SBK2: variants seen among roughly 807,000 people sequenced by gnomAD.
The protein encoded by SBK2 is serine/threonine-protein kinase SBK2.
A neutral mutation model predicts 15.9 loss-of-function variants in SBK2; 18 were observed. That is an observed-to-expected ratio of 1.13 (90% CI 0.78 to 1.68). SBK2 has a LOEUF of 1.68. Among genes scored for constraint, SBK2 ranks in the 40% most tolerant of loss-of-function variants. The pLI, the probability that SBK2 is intolerant of heterozygous loss-of-function variation, is 0.00. For missense variants in SBK2, 581 were observed against 510.9 expected (o/e 1.14, Z -1.32); for synonymous variants, 284 against 246.8 (o/e 1.15, Z -1.41).
chr19:55,531,775 C>G (rs1988275520), intron 2 of SBK2, among the ~76,000 whole-genome samples: 1 of 152,158 alleles, frequency 6.6e-6, no homozygotes, highest in Admixed American at 6.5e-5. Flanking sequence ...GTCAGGAGTT[C>G]AAGACCAGCC....
At chr19:55,533,659 C>CAAAAAAAAAAAAAAAAAA (rs71181785) in intron 2 of SBK2, among the ~76,000 whole-genome samples, 9 of 33,908 alleles carry the variant, frequency 2.7e-4, no homozygotes, top group Admixed American at 4.3e-4. Context: ...GACTCCGTCT[C>CAAAAAAAAAAAAAAAAAA]AAAAAAAAAA....
At position 55,530,319 on chromosome 19, in the gene SBK2, C is replaced by T. The variant is rs956652741; in HGVS notation, c.461G>A (p.Gly154Asp). 5.0e-6 allele frequency: 7 copies of T among 1,404,096 alleles called. No homozygotes were observed. The highest frequency in any genetic ancestry group is 6.4e-5 in the Admixed American group (2 of 31,236). The allele number at this position is 1,404,096 out of a possible 1,614,324, so 87.0% of individuals were successfully genotyped here. A position where few individuals can be genotyped will look rare whatever the true frequency, so the allele number is the denominator to read the frequency against. ...GCGGTGCACCGCGGGCTGCGGGAGG[C>T]CCACCTGCGGGGAGAGGGGTCAGGG... ...DLMAFIQPKV[G>D]LPQPAVHRCA... Residue 154 changes from glycine (G) to aspartate (D), a missense_variant, in exon 4 of 4, where the codon GGC becomes GAC. Gly to Asp is a moderately conservative substitution (Grantham distance 94). Transcript: ENST00000413299.
rs757945578 is a variant in SBK2 at position 55,529,901 on chromosome 19, C to G, written c.879G>C (p.Trp293Cys). 1.3e-6 allele frequency: 2 copies of G among 1,569,400 alleles called. No individual in the cohort carries two copies. Among genetic ancestry groups the G allele is most frequent in the East Asian group, 4.6e-5 (2 of 43,338 alleles). ...SGQPRDRPQP[W>C]FGLAAAADAL... ...CGTCGGCCGCGGCGGCCAGGCCGAACCAGGGCTGAGGGCGGTCCCGGGGCT... is the reference window on the plus strand; with the variant it reads ...CGTCGGCCGCGGCGGCCAGGCCGAAGCAGGGCTGAGGGCGGTCCCGGGGCT... Residue 293 changes from tryptophan (W) to cysteine (C), a missense_variant, in exon 4 of 4, where the codon TGG (tryptophan) becomes TGC (cysteine). Physicochemically the swap from Trp to Cys is radical, Grantham distance 215 (BLOSUM62 -2). Transcript: ENST00000413299.
chr19:55,529,695 G>C lies in SBK2; in HGVS notation c.*38C>G. 6.3e-7 allele frequency: 1 copy of C among 1,586,532 alleles called. No individual in the cohort carries two copies. The highest frequency in any genetic ancestry group is 8.5e-7 in the Non-Finnish European group (1 of 1,173,752). The stretch of plus-strand genomic sequence containing the variant: ...AAGCCGTTGGCCTTGGGGGCCTCGG[G>C]TGGGGCGGCTTCCCTTTCTGCATCC... On this transcript the variant is annotated 3_prime_UTR_variant, in exon 4 of 4. Coordinates refer to ENST00000413299, the MANE Select transcript of SBK2 (RefSeq NM_001370096.2).
chr19:55,529,620 C>G lies in SBK2; in HGVS notation c.*113G>C. 2 of 1,407,620 alleles carry G rather than the reference C, an allele frequency of 1.4e-6. No individual in the cohort carries two copies. Among genetic ancestry groups the G allele is most frequent in the Non-Finnish European group, 1.9e-6 (2 of 1,067,462 alleles). 87.2% of individuals were successfully genotyped at this position (1,407,620 alleles called of 1,614,324 possible). The stretch of plus-strand genomic sequence containing the variant: ...CAGAGAGGAGAGAGGAGGAGGACGC[C>G]GAGGGGAATCCCAAGCCCCATGGAT... On this transcript the variant is annotated 3_prime_UTR_variant, in exon 4 of 4. Transcript: ENST00000413299.
intron 1 of SBK2, among the ~76,000 whole-genome samples, chr19:55,536,781 C>T (rs73934336): frequency 1.8e-4 from 26 of 147,208 alleles, no homozygotes; most frequent in African/African-American, 5.3e-4. Context: ...CACCTCCCTC[C>T]GACCCAGCCC....
At position 55,529,476 on chromosome 19, in the gene SBK2, G is replaced by A. The variant is rs529016765; in HGVS notation, c.*257C>T. Among the ~76,000 whole-genome samples the A allele has an allele frequency of 1.4e-4, 22 of 152,208 alleles. No individual in the cohort carries two copies. Among genetic ancestry groups the A allele is most frequent in the Non-Finnish European group, 2.4e-4 (16 of 67,986 alleles). ...CAGCAAGTGCAGAGGCCCTGGGGAAGGTGGCGGCAGGTACCGAGAGCCACG... is the reference window on the plus strand; with the variant it reads ...CAGCAAGTGCAGAGGCCCTGGGGAAAGTGGCGGCAGGTACCGAGAGCCACG... On this transcript the variant is annotated 3_prime_UTR_variant, in exon 4 of 4. Transcript: ENST00000413299.
At chr19:55,536,383 A>C in intron 1 of SBK2, 87 bp from the exon 2 acceptor site, 1 of 1,195,866 alleles carries the variant, frequency 8.4e-7, no homozygotes, top group Non-Finnish European at 1.1e-6. Flanking sequence ...GGTCTGAGGG[A>C]GGAGGGGCTG....
In SBK2 at chr19:55,536,230, T is replaced by A; in HGVS notation, c.65A>T (p.Glu22Val). 1 of 1,604,024 alleles carries A rather than the reference T, an allele frequency of 6.2e-7. No homozygotes were observed. The highest frequency in any genetic ancestry group is 8.5e-7 in the Non-Finnish European group (1 of 1,176,098). Residue 22 changes from glutamate to valine, a missense_variant, in exon 2 of 4, where the codon GAG (glutamate) becomes GTG (valine). Transcript: ENST00000413299. The stretch of plus-strand genomic sequence containing the variant: ...CTCTAATGTCAGGCCGCCCAGACCC[T>A]CCTCCTCGCTGTCCTCCGAAGCCCC... ...EAGASEDSEE[E>V]GLGGLTLEEL...
chr19:55,530,251 G>C lies in SBK2; in HGVS notation c.529C>G (p.Arg177Gly), dbSNP rs1171762038. ...TTCAGGTCCCGGTACACCAGGCCGC[G>C]GGCGTGGATGTACTCCAGGGCGGAG... ...LASALEYIHA[R>G]GLVYRDLKPE... Residue 177 changes from arginine (R) to glycine (G), a missense_variant, in exon 4 of 4, where the codon CGC becomes GGC. Coordinates refer to ENST00000413299, the MANE Select transcript of SBK2 (RefSeq NM_001370096.2). 1 of 1,512,464 alleles carries C rather than the reference G, an allele frequency of 6.6e-7. No individual in the cohort carries two copies. Among genetic ancestry groups the C allele is most frequent in the Non-Finnish European group, 8.8e-7 (1 of 1,130,834 alleles). 93.7% of individuals were successfully genotyped at this position (1,512,464 alleles called of 1,614,324 possible).
Position 55,529,946 on chromosome 19 carries a change from G to T in SBK2, c.834C>A (p.Leu278=). The part of the protein sequence containing the change: ...AEADPFYEDF[L]IWQASGQPRD... ...GGGGCTGGCCCGACGCCTGCCAGATGAGGAAGTCCTCGTAGAAGGGGTCGG... is the reference window on the plus strand; with the variant it reads ...GGGGCTGGCCCGACGCCTGCCAGATTAGGAAGTCCTCGTAGAAGGGGTCGG... Residue 278 remains leucine, a synonymous_variant, in exon 4 of 4, where the codon CTC becomes CTA. Transcript: ENST00000413299. 1 of 1,531,292 alleles carries T rather than the reference G, an allele frequency of 6.5e-7. No homozygotes were observed. Among genetic ancestry groups the T allele is most frequent in the Non-Finnish European group, 8.8e-7 (1 of 1,141,816 alleles). 94.9% of individuals were successfully genotyped at this position (1,531,292 alleles called of 1,614,324 possible).
In SBK2 at chr19:55,529,823, G is replaced by A. The variant is rs770812660; in HGVS notation, c.957C>T (p.Ile319=). 6.2e-7 allele frequency: 1 copy of A among 1,604,386 alleles called. No individual in the cohort carries two copies. Among genetic ancestry groups the A allele is most frequent in the South Asian group, 1.1e-5 (1 of 91,054 alleles). The part of the protein sequence containing the change: ...DPHPRRRSAV[I]AIREHLGRPW... ...GGCGCCCCAGGTGCTCCCTGATGGC[G>A]ATCACAGCGCTCCTCCTTCGGGGGT... The change falls in exon 4 of 4, where the codon ATC becomes ATT. Residue 319 remains isoleucine, a synonymous_variant. Coordinates refer to ENST00000413299, the MANE Select transcript of SBK2 (RefSeq NM_001370096.2).
chr19:55,530,406 G>A, intron 3 of SBK2, 83 bp from the exon 4 acceptor site: 1 of 1,271,304 alleles, frequency 7.9e-7, no homozygotes, highest in Non-Finnish European at 1.0e-6. Flanking sequence ...GGACGCCAAG[G>A]AGGCCGGTAA....
At position 55,530,291 on chromosome 19, in the gene SBK2, G is replaced by A; in HGVS notation, c.489C>T (p.Cys163=). The change falls in exon 4 of 4, where the codon TGC becomes TGT. Residue 163 remains cysteine (C), a synonymous_variant. Coordinates refer to ENST00000413299, the MANE Select transcript of SBK2 (RefSeq NM_001370096.2). ...VGLPQPAVHR[C]AAQLASALEY... is the part of the protein sequence containing the mutation. ...CCAGGGCGGAGGCCAGCTGGGCGGCGCAGCGGTGCACCGCGGGCTGCGGGA... is the reference window on the plus strand; with the variant it reads ...CCAGGGCGGAGGCCAGCTGGGCGGCACAGCGGTGCACCGCGGGCTGCGGGA... The A allele has an allele frequency of 6.9e-7, 1 of 1,449,524 alleles. No individual in the cohort carries two copies. Among genetic ancestry groups the A allele is most frequent in the Non-Finnish European group, 9.1e-7 (1 of 1,100,904 alleles). The allele number at this position is 1,449,524 out of a possible 1,614,324, so 89.8% of individuals were successfully genotyped here.
chr19:55,535,848 C>T (rs1449999368), intron 2 of SBK2, among the ~76,000 whole-genome samples, 194 bp downstream of exon 2: 3 of 152,246 alleles, frequency 2.0e-5, no homozygotes, highest in Non-Finnish European at 4.4e-5. Context: ...CACTGCACTC[C>T]AGCCTGGGCG....
At chr19:55,531,115 G>C in intron 3 of SBK2, 28 bp downstream of exon 3, 1 of 1,596,502 alleles carries the variant, frequency 6.3e-7, no homozygotes, top group Non-Finnish European at 8.5e-7. Flanking sequence ...TGAGGCACTC[G>C]GAGGCGGCCT....
At chr19:55,535,496 A>G (rs1407839356) in intron 2 of SBK2, among the ~76,000 whole-genome samples, 4 of 152,180 alleles carry the variant, frequency 2.6e-5, no homozygotes, top group South Asian at 2.1e-4. Context: ...AGGATCCACC[A>G]TTCTTCCAAG....
intron 2 of SBK2, among the ~76,000 whole-genome samples, chr19:55,534,402 T>A (rs111989123): frequency 6.6e-6 from 1 of 151,992 alleles, no homozygotes; most frequent in African/African-American, 2.4e-5. Context: ...CCTCCAAAGC[T>A]GTGAGGAAAC....
chr19:55,534,649 G>A (rs1402996045), intron 2 of SBK2, among the ~76,000 whole-genome samples: 4 of 143,328 alleles, frequency 2.8e-5, no homozygotes, highest in African/African-American at 1.1e-4. Context: ...CAAAGCTGCA[G>A]TGAGCTATGA....
Sources: allele counts gnomAD v4.1 joint callset (sites outside exome capture counted in the v4.1 genomes callset), GRCh38; gene constraint gnomAD v4.1.1; transcripts MANE v1.5; gene names NCBI Gene and HGNC (gene_info 2026-07-23, HGNC 2026-07-21).